The following CARD19 variants were observed in gnomAD, a reference collection of about 807,000 sequenced individuals.
CARD19 encodes caspase recruitment domain-containing protein 19.
In CARD19, 25 loss-of-function variants were observed where a neutral mutation model predicts 24.1. The observed-to-expected ratio is 1.04, with a 90% CI of 0.76 to 1.45. The LOEUF is 1.45. Among genes scored for constraint, CARD19 ranks in the 40% most tolerant of loss-of-function variants. CARD19 has a pLI of 0.00. For synonymous variants in CARD19, 103 were observed against 104.9 expected (o/e 0.98, Z 0.11); for missense variants, 241 against 247.4 (o/e 0.97, Z 0.17).
intron 3 of CARD19, chr9:93,111,462 G>A (rs1211555590): frequency 1.8e-6 from 2 of 1,082,350 alleles, no homozygotes; most frequent in Non-Finnish European, 2.3e-6. Flanking sequence ...CCAGGCTACT[G>A]GGCTGTGGTC....
intron 1 of CARD19, among the ~76,000 whole-genome samples, chr9:93,102,775 C>T (rs1182737914): frequency 6.6e-6 from 1 of 151,682 alleles, no homozygotes; most frequent in Non-Finnish European, 1.5e-5. Flanking sequence ...GGGATTGCAT[C>T]GAATCTGTAG....
At chr9:93,111,208 G>C in intron 3 of CARD19, 1 of 1,179,456 alleles carries the variant, frequency 8.5e-7, no homozygotes, top group Non-Finnish European at 1.1e-6. Context: ...ACGGATGGCT[G>C]GTCCGAAGCA....
intron 3 of CARD19, chr9:93,111,602 G>A (rs1046793808): frequency 5.3e-6 from 7 of 1,322,694 alleles, no homozygotes; most frequent in African/African-American, 3.0e-5. Flanking sequence ...TATGCCACAG[G>A]GGGCTTTCAA....
intron 1 of CARD19, among the ~76,000 whole-genome samples, chr9:93,098,055 G>A (rs919406440): frequency 1.3e-5 from 2 of 152,262 alleles, no homozygotes; most frequent in African/African-American, 4.8e-5. Flanking sequence ...AGCAGCGCAT[G>A]TGAGCCAGTG....
In CARD19 at chr9:93,113,153, C is replaced by T. The variant is rs1453884701; in HGVS notation, c.*46C>T. ...TCACCTGCCACTCAACCAAAGAGTCCTCGAGCCGGCCCGCCAAGGGGACTG... is the reference window on the plus strand; with the variant it reads ...TCACCTGCCACTCAACCAAAGAGTCTTCGAGCCGGCCCGCCAAGGGGACTG... On this transcript the variant is annotated 3_prime_UTR_variant, in exon 6 of 6. Transcript: ENST00000375464. 4 of 1,267,842 alleles carry T rather than the reference C, an allele frequency of 3.2e-6. No homozygotes were observed. The highest frequency in any genetic ancestry group is 4.4e-6 in the Non-Finnish European group (4 of 915,172). 78.5% of individuals were successfully genotyped at this position (1,267,842 alleles called of 1,614,324 possible). A position where few individuals can be genotyped will look rare whatever the true frequency, so the allele number is the denominator to read the frequency against.
chr9:93,108,212 C>T (rs780038395), intron 2 of CARD19, among the ~76,000 whole-genome samples: 3 of 152,092 alleles, frequency 2.0e-5, no homozygotes, highest in Admixed American at 6.5e-5. Flanking sequence ...GAGGGAGAGC[C>T]GAAGTGGGAT....
intron 1 of CARD19, among the ~76,000 whole-genome samples, chr9:93,100,258 T>C (rs572431718): frequency 4.8e-4 from 73 of 152,294 alleles, no homozygotes; most frequent in African/African-American, 1.7e-3. Context: ...CCTCAAGGAG[T>C]GAACCCAAGA....
chr9:93,108,337 C>T (rs1307256418), intron 2 of CARD19, among the ~76,000 whole-genome samples: 1 of 152,148 alleles, frequency 6.6e-6, no homozygotes, highest in Admixed American at 6.5e-5. Flanking sequence ...TTCTATATTA[C>T]TGTACGAGGC....
At chr9:93,102,811 A>G (rs568553927) in intron 1 of CARD19, among the ~76,000 whole-genome samples, 11 of 152,272 alleles carry the variant, frequency 7.2e-5, no homozygotes, top group Admixed American at 1.3e-4. Flanking sequence ...GCTTGCAGCA[A>G]TGTTTTGTGG....
intron 4 of CARD19, 46 bp from the exon 5 acceptor site, chr9:93,112,172 C>T (rs1398133423): frequency 2.0e-6 from 3 of 1,522,382 alleles, no homozygotes; most frequent in Admixed American, 3.9e-5. Context: ...AGGACCCCAC[C>T]CCTCTGAGGC....
At chr9:93,109,471 C>CT (rs5899172) in intron 2 of CARD19, among the ~76,000 whole-genome samples, 108,126 of 148,512 alleles carry the variant, frequency 0.73, 41,611 homozygotes, top group Non-Finnish European at 0.86. Flanking sequence ...ATACTTCTGT[C>CT]TTTTTTTTTT....
In CARD19 at chr9:93,107,683, A is replaced by G. The variant is rs768692687; in HGVS notation, c.17A>G (p.Tyr6Cys). 6.2e-7 allele frequency: 1 copy of G among 1,614,190 alleles called. No homozygotes were observed. The highest frequency in any genetic ancestry group is 1.7e-5 in the Admixed American group (1 of 60,022). Residue 6 changes from tyrosine (Y) to cysteine (C), a missense_variant, in exon 2 of 6, where the codon TAT becomes TGT. Coordinates refer to ENST00000375464, the MANE Select transcript of CARD19 (RefSeq NM_032310.5). The part of the protein sequence containing the change: MTDQT[Y>C]CDRLVQDTPF... ...GTGCTATCTGTTTTAGATCAGACCT[A>G]TTGTGACCGCCTGGTGCAGGACACG...
At chr9:93,097,535 G>T (rs1826924242) in intron 1 of CARD19, among the ~76,000 whole-genome samples, 1 of 152,148 alleles carries the variant, frequency 6.6e-6, no homozygotes, top group Admixed American at 6.5e-5. Context: ...TGTACAGATG[G>T]GGAAACAAAG....
intron 3 of CARD19, 125 bp downstream of exon 3, chr9:93,110,846 CCCT>C (rs766116476): frequency 3.1e-5 from 47 of 1,534,924 alleles, no homozygotes; most frequent in Non-Finnish European, 4.1e-5. Context: ...GCCTGGCATC[CCCT>C]CTCGCCTCAG....
chr9:93,099,758 A>G (rs985936636), intron 1 of CARD19, among the ~76,000 whole-genome samples: 1 of 152,206 alleles, frequency 6.6e-6, no homozygotes. Context: ...GCAAGTCCGC[A>G]TAGGCTGCTG....
At chr9:93,098,742 G>A (rs1235422513) in intron 1 of CARD19, among the ~76,000 whole-genome samples, 1 of 152,196 alleles carries the variant, frequency 6.6e-6, no homozygotes, top group Non-Finnish European at 1.5e-5. Flanking sequence ...TGCGGCCTGT[G>A]CCAGCTGACT....
At position 93,111,819 on chromosome 9, in the gene CARD19, G is replaced by A. The variant is rs573566882; in HGVS notation, c.305-60G>A. ...AGCAACCTTGGGCTTCCTGCGGGGT[G>A]ACTACCTTGCCCTCCGGCCCTGCCC... is the stretch of plus-strand genomic sequence containing the variant. On this transcript the variant is annotated intron_variant, in intron 3 of 5. Coordinates refer to ENST00000375464, the MANE Select transcript of CARD19 (RefSeq NM_032310.5). 30 of 1,589,530 alleles carry A rather than the reference G, an allele frequency of 1.9e-5. No homozygotes were observed. In the African/African-American group the frequency reaches 2.8e-4, roughly 15 times the overall value.
intron 2 of CARD19, chr9:93,108,882 T>C (rs1329591854): frequency 6.6e-6 from 1 of 152,240 alleles, no homozygotes; most frequent in Non-Finnish European, 1.5e-5. Context: ...ATCACCCCAG[T>C]GCCAGGTGGC....
intron 2 of CARD19, among the ~76,000 whole-genome samples, chr9:93,108,036 T>G (rs1208847937): frequency 6.6e-6 from 1 of 152,204 alleles, no homozygotes; most frequent in African/African-American, 2.4e-5. Context: ...ACATCAGCTC[T>G]CTGTGCCTCG....
Sources: allele counts gnomAD v4.1 joint callset (sites outside exome capture counted in the v4.1 genomes callset), GRCh38; gene constraint gnomAD v4.1.1; transcripts MANE v1.5; gene names NCBI Gene and HGNC (gene_info 2026-07-23, HGNC 2026-07-21).